LONP1: variants seen among roughly 807,000 people sequenced by gnomAD.
LONP1 encodes lon protease homolog, mitochondrial.
LONP1 carries 31 observed loss-of-function variants against 98.5 expected under a neutral mutation model. The ratio of observed to expected loss-of-function variants is 0.31; its 90% CI spans 0.24 to 0.42. The LOEUF is 0.42. LONP1 is among the 20% of genes least tolerant of loss of function. LONP1 has a pLI of 1.00. For synonymous variants in LONP1, 781 were observed against 594.7 expected (o/e 1.31, Z -4.56); for missense variants, 1,336 against 1,350.6 (o/e 0.99, Z 0.17).
At position 5,707,044 on chromosome 19, in the gene LONP1, T is replaced by C; in HGVS notation, c.1146+16A>G. Reference sequence around the variant, plus strand: ...GAAGGCCCCCAAGAGTGGCTGCGCCTCAGCCGCGGGCTCACCTCCCGCCCC... The same window carrying C: ...GAAGGCCCCCAAGAGTGGCTGCGCCCCAGCCGCGGGCTCACCTCCCGCCCC... On this transcript the variant is annotated intron_variant, in intron 7 of 17. Transcript: ENST00000360614. 6.2e-7 allele frequency: 1 copy of C among 1,604,846 alleles called. No individual in the cohort carries two copies.
At chr19:5,716,259 CATATATATATATATATAT>C (rs3082272) in intron 1 of LONP1, among the ~76,000 whole-genome samples, 8,395 of 77,276 alleles carry the variant, frequency 0.11, 784 homozygotes, top group Non-Finnish European at 0.13. Flanking sequence ...TTAAAATATA[CATATATATATATATATAT>C]ATATATATAT....
chr19:5,697,762 TTGTCTC>T (rs58653252), intron 10 of LONP1, among the ~76,000 whole-genome samples: 14,978 of 151,002 alleles, frequency 0.099, 1,179 homozygotes, highest in East Asian at 0.39. Context: ...GTCCTTGTCC[TTGTCTC>T]AGGAACCCAG....
chr19:5,692,369 GGGAAACAGGCTCAA>G (rs2054842083), intron 17 of LONP1, 161 bp from the exon 18 acceptor site: 1 of 629,776 alleles, frequency 1.6e-6, no homozygotes, highest in Admixed American at 3.4e-5. Flanking sequence ...GTCTCCCACG[GGGAAACAGGCTCAA>G]GGCAAAACCA....
In LONP1 at chr19:5,696,736, C is replaced by T. The variant is rs138807867; in HGVS notation, c.1707G>A (p.Met569Ile). The stretch of plus-strand genomic sequence containing the variant: ...TCAAACACTGGATGATCTTCCCGGG[C>T]ATGGCGCCCACGTAGGTCCGCCTGT... ...KGHRRTYVGA[M>I]PGKIIQCLKK... is the part of the protein sequence containing the mutation. The change falls in exon 11 of 18, where the codon ATG becomes ATA. Residue 569 changes from methionine (M) to isoleucine (I), a missense_variant. Met to Ile is a conservative substitution (Grantham distance 10). Coordinates refer to ENST00000360614, the MANE Select transcript of LONP1 (RefSeq NM_004793.4). 8.7e-6 allele frequency: 14 copies of T among 1,613,356 alleles called. No individual in the cohort carries two copies. The highest frequency in any genetic ancestry group is 1.1e-5 in the Non-Finnish European group (13 of 1,179,936).
Position 5,703,623 on chromosome 19 carries a change from C to T in LONP1, c.1367+2149G>A, listed in dbSNP as rs547604440. On this transcript the variant is annotated intron_variant, in intron 8 of 17. Coordinates refer to ENST00000360614, the MANE Select transcript of LONP1 (RefSeq NM_004793.4). Reference sequence around the variant, plus strand: ...ACCGTCAGGGCGCACTGCCACCCAACGGGCATACGAGACGCACCGGGACAG... The same window carrying T: ...ACCGTCAGGGCGCACTGCCACCCAATGGGCATACGAGACGCACCGGGACAG... Among the ~76,000 whole-genome samples, 8 of 151,440 alleles carry T rather than the reference C, an allele frequency of 5.3e-5. No individual in the cohort carries two copies. In the South Asian group the frequency reaches 8.4e-4, roughly 16 times the overall value.
rs201903454 is a variant in LONP1, at chr19:5,694,948, C to G, written c.2014-47G>C. The G allele has an allele frequency of 2.0e-4, 314 of 1,573,558 alleles. 1 individual carries two copies. The East Asian group carries it at 7.0e-3, about 35-fold the overall frequency. ...TTGGGTCTGGAGGGACCTTGCCCAC[C>G]AGCTCAGTCTAGAACCTGGGAGCCA... On this transcript the variant is annotated intron_variant, in intron 13 of 17. Coordinates refer to ENST00000360614, the MANE Select transcript of LONP1 (RefSeq NM_004793.4).
intron 1 of LONP1, chr19:5,714,831 G>A: frequency 6.6e-6 from 1 of 150,976 alleles, no homozygotes; most frequent in South Asian, 2.1e-4. Flanking sequence ...TCTTGGCCAG[G>A]ATGGTCTTTA....
intron 4 of LONP1, among the ~76,000 whole-genome samples, chr19:5,710,082 ATTTTTTT>A (rs35535433): frequency 1.5e-5 from 2 of 137,548 alleles, no homozygotes; most frequent in Admixed American, 7.3e-5. Flanking sequence ...GGCTGTCTGA[ATTTTTTT>A]TTTTTTTTTT....
At chr19:5,701,007 C>G (rs1000839975) in intron 8 of LONP1, 80 bp from the exon 9 acceptor site, 1 of 1,555,376 alleles carries the variant, frequency 6.4e-7, no homozygotes, top group Admixed American at 1.7e-5. Context: ...TGGGTGGTTG[C>G]AAGGGGCTTG....
rs761955668 is a variant in LONP1 at position 5,694,905 on chromosome 19, C to A, written c.2014-4G>T. 1 of 1,590,688 alleles carries A rather than the reference C, an allele frequency of 6.3e-7. No individual in the cohort carries two copies. The highest frequency in any genetic ancestry group is 8.6e-7 in the Non-Finnish European group (1 of 1,161,880). Reference sequence around the variant, plus strand: ...GAGCCTGGGGCACCAGGTAGCGCTGCAAGGGCAACCGTCAGGGTTGGGTCT... The same window carrying A: ...GAGCCTGGGGCACCAGGTAGCGCTGAAAGGGCAACCGTCAGGGTTGGGTCT... On this transcript the variant is annotated splice_polypyrimidine_tract_variant and splice_region_variant and intron_variant, in intron 13 of 17. Transcript: ENST00000360614.
intron 4 of LONP1, chr19:5,708,841 G>A (rs541185731): frequency 1.0e-4 from 16 of 154,742 alleles, no homozygotes; most frequent in Non-Finnish European, 2.0e-4. Context: ...GTGAAACCCC[G>A]TCTCTACCAA....
rs780764021 is a variant in LONP1 at position 5,707,799 on chromosome 19, A to G, written c.960T>C (p.Ala320=). Residue 320 remains alanine (A), a synonymous_variant, in exon 6 of 18, where the codon GCT becomes GCC. Coordinates refer to ENST00000360614, the MANE Select transcript of LONP1 (RefSeq NM_004793.4). ...TGGGGTTGTCCACCACCCGCTGGCC[A>G]GCCTGCATCATCTGCAGCACTGACT... ...YRESVLQMMQ[A]GQRVVDNPIY... The G allele has an allele frequency of 1.2e-6, 2 of 1,613,146 alleles. No homozygotes were observed. Among genetic ancestry groups the G allele is most frequent in the Non-Finnish European group, 1.7e-6 (2 of 1,179,920 alleles).
chr19:5,704,298 G>C (rs1239370564), intron 8 of LONP1, among the ~76,000 whole-genome samples: 8 of 152,222 alleles, frequency 5.3e-5, no homozygotes, highest in African/African-American at 1.9e-4. Flanking sequence ...CTCAGGGCTC[G>C]GCATTGTGTA....
chr19:5,703,713 G>C lies in LONP1; in HGVS notation c.1367+2059C>G, dbSNP rs145543218. Reference sequence around the variant, plus strand: ...TGAAGTCACTGTGGAAGTGACACAGGCAGTGACACTTTGCGGAGAGCATTC... The same window carrying C: ...TGAAGTCACTGTGGAAGTGACACAGCCAGTGACACTTTGCGGAGAGCATTC... On this transcript the variant is annotated intron_variant, in intron 8 of 17. Transcript: ENST00000360614. Among the ~76,000 whole-genome samples, 301 of 151,998 alleles carry C rather than the reference G, an allele frequency of 2.0e-3. 1 individual carries two copies. Among genetic ancestry groups the C allele is most frequent in the Non-Finnish European group, 3.1e-3 (209 of 67,974 alleles).
At position 5,701,040 on chromosome 19, in the gene LONP1, G is replaced by A. The variant is rs556231711; in HGVS notation, c.1368-113C>T. ...TTGAAACCCATGTGTGGGGCTGAGCGCGGTGGCTCACGCCTGTAATCCCAG... is the reference window on the plus strand; with the variant it reads ...TTGAAACCCATGTGTGGGGCTGAGCACGGTGGCTCACGCCTGTAATCCCAG... On this transcript the variant is annotated intron_variant, in intron 8 of 17. Transcript: ENST00000360614. 5.0e-4 allele frequency: 609 copies of A among 1,227,306 alleles called. 11 individuals carry two copies. The South Asian group carries it at 6.4e-3, about 13-fold the overall frequency. 76.0% of individuals were successfully genotyped at this position (1,227,306 alleles called of 1,614,324 possible).
chr19:5,704,786 C>CCTGG (rs1171631351), intron 8 of LONP1, among the ~76,000 whole-genome samples: 4 of 152,206 alleles, frequency 2.6e-5, no homozygotes, highest in African/African-American at 9.7e-5. Context: ...ATGGTCACTT[C>CCTGG]CTGGCTGACT....
intron 9 of LONP1, 54 bp downstream of exon 9, chr19:5,700,735 C>G (rs1201383189): frequency 2.5e-6 from 4 of 1,606,264 alleles, no homozygotes; most frequent in Non-Finnish European, 3.4e-6. Context: ...ACACAAGAGT[C>G]CTGGGCCCGG....
intron 2 of LONP1, among the ~76,000 whole-genome samples, chr19:5,713,855 G>A (rs922541685): frequency 2.0e-5 from 3 of 152,110 alleles, no homozygotes; most frequent in African/African-American, 7.2e-5. Flanking sequence ...GCGACCCCAC[G>A]CCCGGCCCAT....
chr19:5,703,709 A>C lies in LONP1; in HGVS notation c.1367+2063T>G, dbSNP rs7258232. Among the ~76,000 whole-genome samples, 231 of 151,860 alleles carry C rather than the reference A, an allele frequency of 1.5e-3. 1 individual carries two copies. The highest frequency in any genetic ancestry group is 5.3e-3 in the African/African-American group (221 of 41,400). ...CACATGAAGTCACTGTGGAAGTGACACAGGCAGTGACACTTTGCGGAGAGC... is the reference window on the plus strand; with the variant it reads ...CACATGAAGTCACTGTGGAAGTGACCCAGGCAGTGACACTTTGCGGAGAGC... On this transcript the variant is annotated intron_variant, in intron 8 of 17. Coordinates refer to ENST00000360614, the MANE Select transcript of LONP1 (RefSeq NM_004793.4).
Sources: allele counts gnomAD v4.1 joint callset (sites outside exome capture counted in the v4.1 genomes callset), GRCh38; gene constraint gnomAD v4.1.1; transcripts MANE v1.5; gene names NCBI Gene and HGNC (gene_info 2026-07-23, HGNC 2026-07-21).